Variants in SNRK observed in about 807,000 individuals in gnomAD.
The protein encoded by SNRK is SNF related kinase.
A neutral mutation model predicts 48.2 loss-of-function variants in SNRK; 3 were observed. The ratio of observed to expected loss-of-function variants is 0.06; its 90% CI spans 0.03 to 0.16. SNRK has a LOEUF of 0.16. SNRK is among the 10% of genes least tolerant of loss of function. The pLI, the probability that SNRK is intolerant of heterozygous loss-of-function variation, is 1.00. For synonymous variants in SNRK, 376 were observed against 366.1 expected, an observed-to-expected ratio of 1.03 and a Z score of -0.31; for missense variants, 627 against 976.0, an observed-to-expected ratio of 0.64 and a Z score of 4.76.
chr3:43,320,295 A>G (rs2091043635), intron 3 of SNRK, among the ~76,000 whole-genome samples: 1 of 152,172 alleles, frequency 6.6e-6, no homozygotes, highest in Non-Finnish European at 1.5e-5. Flanking sequence ...AGTCAGACAG[A>G]CTTGTAGATG....
chr3:43,325,670 G>T (rs1042734947), intron 3 of SNRK, among the ~76,000 whole-genome samples: 1 of 152,078 alleles, frequency 6.6e-6, no homozygotes, highest in African/African-American at 2.4e-5. Flanking sequence ...CTTCTTTCTA[G>T]TTCGAAGTTA....
intron 3 of SNRK, among the ~76,000 whole-genome samples, chr3:43,330,253 C>CTT (rs928983590): frequency 6.6e-6 from 1 of 151,890 alleles, no homozygotes; most frequent in Non-Finnish European, 1.5e-5. Context: ...AAAATCACCC[C>CTT]TTTTTTTTGC....
rs2091289292 is a variant in SNRK, at chr3:43,347,851, G to T, written c.1592G>T (p.Ser531Ile). Reference sequence around the variant, plus strand: ...CACAAACGCTACCACCGGAGGAAAAGTCAGGGCCGGGGCTCCAGCTGCAGT... The same window carrying T: ...CACAAACGCTACCACCGGAGGAAAATTCAGGGCCGGGGCTCCAGCTGCAGT... ...TVHKRYHRRKSQGRGSSCSSS... is the reference protein window; with the variant it reads ...TVHKRYHRRKIQGRGSSCSSS... The change falls in exon 7 of 7, where the codon AGT becomes ATT. Residue 531 changes from serine to isoleucine, a missense_variant. Around this residue, in one of 4 missense-constraint regions of SNRK, gnomAD observed 98 missense variants for 175.2 expected, o/e 0.56. Coordinates refer to ENST00000296088, the MANE Select transcript of SNRK (RefSeq NM_017719.5). This position sits in a 1 kb window ranked among gnomAD's most constrained non-coding sequence, Gnocchi z 5.4. 3 of 1,614,196 alleles carry T rather than the reference G, an allele frequency of 1.9e-6. No individual in the cohort carries two copies. Among genetic ancestry groups the T allele is most frequent in the Non-Finnish European group, 1.7e-6 (2 of 1,180,024 alleles).
At chr3:43,325,512 C>G (rs2091090382) in intron 3 of SNRK, among the ~76,000 whole-genome samples, 1 of 152,084 alleles carries the variant, frequency 6.6e-6, no homozygotes, top group African/African-American at 2.4e-5. Context: ...TCAAAATACT[C>G]CACTAGCTGT....
intron 3 of SNRK, among the ~76,000 whole-genome samples, chr3:43,304,507 A>G (rs958472955): frequency 6.6e-6 from 1 of 152,058 alleles, no homozygotes; most frequent in Non-Finnish European, 1.5e-5. Flanking sequence ...AGATTTATCT[A>G]TTTGTGGTGA....
chr3:43,344,017 T>G (rs1186488841), intron 6 of SNRK, among the ~76,000 whole-genome samples: 1 of 152,136 alleles, frequency 6.6e-6, no homozygotes, highest in Non-Finnish European at 1.5e-5. Flanking sequence ...AGCTACCCGA[T>G]CTGTAAAACA....
intron 4 of SNRK, among the ~76,000 whole-genome samples, chr3:43,338,843 A>G (rs2091210969): frequency 6.6e-6 from 1 of 152,164 alleles, no homozygotes; most frequent in Admixed American, 6.5e-5. Flanking sequence ...TATGTATAGT[A>G]GCTTTATTTA....
Position 43,303,335 on chromosome 3 carries a change from A to G in SNRK, c.132A>G (p.Val44=). The change falls in exon 3 of 7, where the codon GTA becomes GTG. Residue 44 remains valine, a synonymous_variant. Transcript: ENST00000296088. This position sits in a 1 kb window ranked among gnomAD's most constrained non-coding sequence, Gnocchi z 6.2. ...RHVFTGEKVA[V]KVIDKTKLDT... The stretch of plus-strand genomic sequence containing the variant: ...TCTTTACGGGTGAAAAGGTGGCAGT[A>G]AAAGTTATTGACAAGACAAAACTGG... 6.2e-7 allele frequency: 1 copy of G among 1,614,196 alleles called. No homozygotes were observed. Among genetic ancestry groups the G allele is most frequent in the Non-Finnish European group, 8.5e-7 (1 of 1,180,038 alleles).
chr3:43,297,585 A>G (rs912023607), intron 1 of SNRK, among the ~76,000 whole-genome samples: 3 of 151,890 alleles, frequency 2.0e-5, no homozygotes, highest in Non-Finnish European at 4.4e-5. Flanking sequence ...TTTTTTCAAA[A>G]TTCCTCCCCC....
intron 5 of SNRK, chr3:43,340,714 CTGGGTGG>C: frequency 1.8e-6 from 1 of 555,990 alleles, no homozygotes. Context: ...TAAGCCATTG[CTGGGTGG>C]TTTCAGTGAG....
At chr3:43,340,151 C>T in intron 4 of SNRK, 136 bp from the exon 5 acceptor site, 5 of 702,750 alleles carry the variant, frequency 7.1e-6, no homozygotes, top group South Asian at 5.2e-5. Flanking sequence ...TTATTATTCC[C>T]ATCTGCCCCA....
At chr3:43,343,610 G>GCCC in intron 6 of SNRK, 132 bp downstream of exon 6, 1 of 961,040 alleles carries the variant, frequency 1.0e-6, no homozygotes, top group African/African-American at 1.7e-5. Context: ...TCATTGGAGA[G>GCCC]GCCACACACG....
At chr3:43,346,884 C>T (rs1357136363) in intron 6 of SNRK, 1 of 153,880 alleles carries the variant, frequency 6.5e-6, no homozygotes, top group Non-Finnish European at 1.4e-5. Context: ...TTATAAACAC[C>T]AAGTTCTTAC....
At chr3:43,305,327 G>A (rs952352385) in intron 3 of SNRK, among the ~76,000 whole-genome samples, 4 of 152,130 alleles carry the variant, frequency 2.6e-5, no homozygotes, top group African/African-American at 9.7e-5. Context: ...TAACAGCATT[G>A]TTGAATGTAC....
intron 3 of SNRK, among the ~76,000 whole-genome samples, chr3:43,331,169 A>G (rs979781628): frequency 6.6e-6 from 1 of 152,176 alleles, no homozygotes; most frequent in African/African-American, 2.4e-5. Flanking sequence ...GGTCTAGAAT[A>G]CTTCTTGAAT....
chr3:43,341,764 C>T (rs570421911), intron 5 of SNRK, among the ~76,000 whole-genome samples: 3 of 152,276 alleles, frequency 2.0e-5, no homozygotes, highest in South Asian at 4.1e-4. Context: ...TGTGTGTCTT[C>T]GTGCCACACA....
intron 6 of SNRK, among the ~76,000 whole-genome samples, chr3:43,344,126 C>G (rs1013457342): frequency 6.6e-6 from 1 of 152,152 alleles, no homozygotes; most frequent in East Asian, 1.9e-4. Context: ...TTTGCCATCA[C>G]TGCTGGGAAT....
chr3:43,336,825 T>A (rs896118223), intron 4 of SNRK, among the ~76,000 whole-genome samples: 1 of 151,236 alleles, frequency 6.6e-6, no homozygotes, highest in African/African-American at 2.4e-5. Flanking sequence ...GATCTCGGCT[T>A]GCTGCAAGCT....
At chr3:43,336,765 T>TGG (rs57031311) in intron 4 of SNRK, among the ~76,000 whole-genome samples, 2 of 152,018 alleles carry the variant, frequency 1.3e-5, no homozygotes, top group Admixed American at 1.3e-4. Flanking sequence ...GTTTTGGTTT[T>TGG]TTTCGAGACG....
Sources: gnomAD v4.1 joint callset for allele counts (sites outside exome capture counted in the v4.1 genomes callset) on GRCh38, gnomAD v4.1.1 for gene constraint, gnomAD v4.1.1 regional missense constraint, Gnocchi (gnomAD v3.1) non-coding constraint, MANE v1.5 for transcripts, NCBI Gene and HGNC (gene_info 2026-07-23, HGNC 2026-07-21) for gene names.